ASMTL: variants seen among roughly 807,000 people sequenced by gnomAD.
ASMTL encodes acetylserotonin O-methyltransferase like, also known as probable bifunctional dTTP/UTP pyrophosphatase/methyltransferase protein.
A neutral mutation model predicts 60.3 loss-of-function variants in ASMTL; 57 were observed. The ratio of observed to expected loss-of-function variants is 0.95; its 90% CI spans 0.76 to 1.18. The LOEUF (loss-of-function observed/expected upper bound fraction) is 1.18, where lower values mean the gene tolerates loss of function less well. Ranked by LOEUF, ASMTL falls within the 50% of genes most tolerant of loss-of-function variation. The pLI is 0.00. For missense variants in ASMTL, 981 were observed against 852.6 expected, an observed-to-expected ratio of 1.15 and a Z score of -1.88; for synonymous variants, 419 against 373.0, an observed-to-expected ratio of 1.12 and a Z score of -1.42.
intron 3 of ASMTL, among the ~76,000 whole-genome samples, chrX:1,436,288 C>G (rs2090961726): frequency 6.6e-6 from 1 of 152,042 alleles, no homozygotes; most frequent in African/African-American, 2.4e-5. Flanking sequence ...ATTCTCCTGC[C>G]TCAGCCTCCC....
chrX:1,438,646 G>A (rs1457559811), intron 3 of ASMTL, among the ~76,000 whole-genome samples: 3 of 152,202 alleles, frequency 2.0e-5, no homozygotes, highest in Non-Finnish European at 4.4e-5. Flanking sequence ...CCGAGTAGCT[G>A]CGATTACAGG....
chrX:1,419,195 G>T (rs2090405575), intron 9 of ASMTL, 81 bp from the exon 10 acceptor site: 1 of 1,534,288 alleles, frequency 6.5e-7, no homozygotes, highest in Non-Finnish European at 8.9e-7. Flanking sequence ...GTCGGGGGGA[G>T]AAGTGCAGGG....
intron 11 of ASMTL, chrX:1,413,782 A>C (rs1205720679): frequency 2.6e-5 from 4 of 152,352 alleles, no homozygotes; most frequent in African/African-American, 9.7e-5. Flanking sequence ...GGAGACAGAC[A>C]CAGAGGAGAA....
intron 11 of ASMTL, among the ~76,000 whole-genome samples, chrX:1,415,712 C>T (rs1410659790): frequency 1.3e-5 from 2 of 152,130 alleles, no homozygotes; most frequent in Non-Finnish European, 2.9e-5. Flanking sequence ...GGGATCCGCC[C>T]GCCTCAGCCT....
chrX:1,453,174 C>G (rs1196171525), upstream of ASMTL, among the ~76,000 whole-genome samples: 1 of 151,420 alleles, frequency 6.6e-6, no homozygotes, highest in African/African-American at 2.4e-5. Context: ...AGGCCACGCC[C>G]AGGCCACACC....
At chrX:1,423,080 G>C (rs1459876398) in intron 8 of ASMTL, among the ~76,000 whole-genome samples, 3 of 152,098 alleles carry the variant, frequency 2.0e-5, no homozygotes, top group Admixed American at 2.0e-4. Flanking sequence ...AGCCTCCCGA[G>C]TAGCTGGGAC....
intron 11 of ASMTL, among the ~76,000 whole-genome samples, chrX:1,415,016 C>T (rs1225623358): frequency 4.0e-5 from 6 of 151,820 alleles, no homozygotes; most frequent in Non-Finnish European, 8.8e-5. Context: ...TCTCGGCTCA[C>T]GGCAAGCTCC....
rs1428565288 is a variant in ASMTL at position 1,442,310 on chromosome X, C to T, written c.101G>A (p.Arg34Lys). ...AAACTTGGAGGGGACCACCTCAAAC[C>T]TGAGACCCTGCAACAGTAGAAAAGG... ...RQEILSNAGL[R>K]FEVVPSKFKE... is the part of the protein sequence containing the mutation. Residue 34 changes from arginine to lysine, a missense_variant, in exon 2 of 13, where the codon AGG becomes AAG. Transcript: ENST00000381317. The T allele has an allele frequency of 3.5e-5, 57 of 1,613,718 alleles. No individual in the cohort carries two copies. Among genetic ancestry groups the T allele is most frequent in the Non-Finnish European group, 4.5e-5 (53 of 1,179,852 alleles).
At position 1,432,475 on chromosome X, in the gene ASMTL, C is replaced by G. The variant is rs1233666973; in HGVS notation, c.401-98G>C. On this transcript the variant is annotated intron_variant, in intron 5 of 12. Coordinates refer to ENST00000381317, the MANE Select transcript of ASMTL (RefSeq NM_004192.4). ...TGTGCTGTGGAGGTGTGTACTCGAG[C>G]GCAGCGCACAGTTCAGATATGGATG... is the stretch of plus-strand genomic sequence containing the variant. The G allele has an allele frequency of 6.5e-5, 55 of 848,760 alleles. No individual in the cohort carries two copies. The African/African-American group carries it at 8.7e-4, about 13-fold the overall frequency. The allele number at this position is 848,760 out of a possible 1,614,324, so 52.6% of individuals were successfully genotyped here. A position where few individuals can be genotyped will look rare whatever the true frequency, so the allele number is the denominator to read the frequency against.
At chrX:1,419,163 C>T in intron 9 of ASMTL, 49 bp from the exon 10 acceptor site, 1 of 1,593,660 alleles carries the variant, frequency 6.3e-7, no homozygotes, top group South Asian at 1.1e-5. Flanking sequence ...GGGGCGAGGG[C>T]TCGCCCAGCC....
intron 1 of ASMTL, among the ~76,000 whole-genome samples, chrX:1,443,788 A>G (rs1329288444): frequency 6.7e-6 from 1 of 149,308 alleles, no homozygotes; most frequent in South Asian, 2.1e-4. Context: ...TCGTGGACAC[A>G]CACCCCCATC....
chrX:1,439,278 G>T, intron 2 of ASMTL, 134 bp from the exon 3 acceptor site: 1 of 837,916 alleles, frequency 1.2e-6, no homozygotes, highest in South Asian at 1.6e-5. Flanking sequence ...GGCTGGGGGT[G>T]CTCAAGGTCA....
Position 1,421,553 on chromosome X carries a change from T to A in ASMTL, c.1245+105A>T, listed in dbSNP as rs776326368. 2.0e-4 allele frequency: 260 copies of A among 1,273,456 alleles called. 2 individuals carry two copies. In the South Asian group the frequency reaches 3.3e-3, roughly 16 times the overall value. The allele number at this position is 1,273,456 out of a possible 1,614,324, so 78.9% of individuals were successfully genotyped here. A position where few individuals can be genotyped will look rare whatever the true frequency, so the allele number is the denominator to read the frequency against. On this transcript the variant is annotated intron_variant, in intron 9 of 12. Coordinates refer to ENST00000381317, the MANE Select transcript of ASMTL (RefSeq NM_004192.4). ...GAACGAGCCAAGCCTTTGGGATCTGTCAGACTGGAGACAGACTGGTCAAGG... is the reference window on the plus strand; with the variant it reads ...GAACGAGCCAAGCCTTTGGGATCTGACAGACTGGAGACAGACTGGTCAAGG...
intron 8 of ASMTL, among the ~76,000 whole-genome samples, chrX:1,423,732 T>C (rs2090536412): frequency 7.2e-6 from 1 of 139,694 alleles, no homozygotes; most frequent in African/African-American, 2.7e-5. Flanking sequence ...AGCAATCCAC[T>C]GATACATCTA....
chrX:1,442,895 T>A (rs1465023671), intron 1 of ASMTL, among the ~76,000 whole-genome samples: 1 of 152,116 alleles, frequency 6.6e-6, no homozygotes, highest in Admixed American at 6.5e-5. Context: ...GGTAAATGCC[T>A]CCAGTGGGGG....
chrX:1,420,640 G>A (rs1158635513), intron 9 of ASMTL, among the ~76,000 whole-genome samples: 6 of 152,182 alleles, frequency 3.9e-5, no homozygotes, highest in East Asian at 1.9e-4. Context: ...TATCTCACAC[G>A]TCCACCTCAG....
chrX:1,437,804 G>C (rs1357610748), intron 3 of ASMTL, among the ~76,000 whole-genome samples: 1 of 151,664 alleles, frequency 6.6e-6, no homozygotes, highest in Non-Finnish European at 1.5e-5. Flanking sequence ...GGCTGAGGCA[G>C]GAGAATCATT....
Position 1,432,250 on chromosome X carries a change from CACCG to C in ASMTL, c.509+15_509+18del. 2.5e-6 allele frequency: 4 copies of C among 1,591,574 alleles called. No individual in the cohort carries two copies. The highest frequency in any genetic ancestry group is 3.4e-6 in the Non-Finnish European group (4 of 1,163,580). On this transcript the variant is annotated intron_variant, in intron 6 of 12. Coordinates refer to ENST00000381317, the MANE Select transcript of ASMTL (RefSeq NM_004192.4). ...CTTCCACACGTGTCCCCCGTCCCCC[CACCG>C]CCCCCGAGACTCACATGGGCTCCCC...
intron 3 of ASMTL, among the ~76,000 whole-genome samples, chrX:1,438,216 G>A (rs1442008748): frequency 6.6e-6 from 1 of 152,052 alleles, no homozygotes; most frequent in Non-Finnish European, 1.5e-5. Flanking sequence ...CCGGGAGGCG[G>A]AGGTCCCGGT....
Sources: gnomAD v4.1 joint callset for allele counts (sites outside exome capture counted in the v4.1 genomes callset) on GRCh38, gnomAD v4.1.1 for gene constraint, MANE v1.5 for transcripts, NCBI Gene and HGNC (gene_info 2026-07-23, HGNC 2026-07-21) for gene names.